Variants in UMAD1 observed in about 807,000 individuals in gnomAD.
The protein encoded by UMAD1 is UBAP1-MVB12-associated (UMA) domain containing 1.
In UMAD1, 8 loss-of-function variants were observed where a neutral mutation model predicts 6.1. That is an observed-to-expected ratio of 1.30 (90% CI 0.76 to 2.35). UMAD1 has a LOEUF of 2.35. Ranked by LOEUF, UMAD1 falls within the 30% of genes most tolerant of loss-of-function variation. The pLI is 0.00. For missense variants in UMAD1, 130 were observed against 78.4 expected, an observed-to-expected ratio of 1.66 and a Z score of -2.49; for synonymous variants, 56 against 31.4, an observed-to-expected ratio of 1.78 and a Z score of -2.61.
chr7:7,740,754 T>G (rs1781447574), intron 2 of UMAD1: 1 of 152,260 alleles, frequency 6.6e-6, no homozygotes, highest in African/African-American at 2.4e-5. Flanking sequence ...TCTGTTTATG[T>G]CTTGACATGT....
intron 3 of UMAD1, among the ~76,000 whole-genome samples, chr7:7,860,219 A>G (rs1343618709): frequency 6.6e-6 from 1 of 152,176 alleles, no homozygotes; most frequent in Non-Finnish European, 1.5e-5. Context: ...ATAAAATATT[A>G]AATTGAACAG....
chr7:7,709,579 T>A lies in UMAD1; in HGVS notation c.82+36126T>A, dbSNP rs552861385. Among the ~76,000 whole-genome samples, 5 of 152,374 alleles carry A rather than the reference T, an allele frequency of 3.3e-5. No individual in the cohort carries two copies. The South Asian group carries it at 1.0e-3, about 32-fold the overall frequency. On this transcript the variant is annotated intron_variant, in intron 2 of 3. Coordinates refer to ENST00000682710, the MANE Select transcript of UMAD1 (RefSeq NM_001302348.2). ...CAAGGGCAAAATGAGGCTTGTGGGA[T>A]AAGAATGGTTTGTCAGAAGTCACCT... is the stretch of plus-strand genomic sequence containing the variant.
chr7:7,798,666 C>T (rs141409481), intron 2 of UMAD1, among the ~76,000 whole-genome samples: 1 of 152,222 alleles, frequency 6.6e-6, no homozygotes, highest in Non-Finnish European at 1.5e-5. Flanking sequence ...CACCCTGTTC[C>T]CTAACTCAGA....
intron 3 of UMAD1, among the ~76,000 whole-genome samples, chr7:7,847,318 A>G (rs1175472485): frequency 6.6e-6 from 1 of 150,576 alleles, no homozygotes; most frequent in Non-Finnish European, 1.5e-5. Context: ...TTCACAGTTT[A>G]CATAGCTTTG....
chr7:7,839,652 A>G (rs1369913181), intron 3 of UMAD1, among the ~76,000 whole-genome samples: 3 of 152,246 alleles, frequency 2.0e-5, no homozygotes, highest in African/African-American at 7.2e-5. Flanking sequence ...GGGAAAAGTC[A>G]TAATAAGGAA....
chr7:7,813,288 T>A (rs1783059452), intron 3 of UMAD1, among the ~76,000 whole-genome samples: 1 of 152,174 alleles, frequency 6.6e-6, no homozygotes, highest in Non-Finnish European at 1.5e-5. Flanking sequence ...CACTGCAACC[T>A]CCACCTCCTG....
At position 7,658,727 on chromosome 7, in the gene UMAD1, G is replaced by A. The variant is rs1321363585; in HGVS notation, c.-63-14582G>A. ...ATTCAGTTTGCCAGTATCTTATTGA[G>A]TATTTTTGCATCGATATTCATCAGG... On this transcript the variant is annotated intron_variant, in intron 1 of 3. Transcript: ENST00000682710. Among the ~76,000 whole-genome samples, 4 of 152,182 alleles carry A rather than the reference G, an allele frequency of 2.6e-5. No homozygotes were observed. In the East Asian group the frequency reaches 7.7e-4, roughly 29 times the overall value.
At chr7:7,745,448 G>C (rs1391560587) in intron 2 of UMAD1, among the ~76,000 whole-genome samples, 1 of 152,158 alleles carries the variant, frequency 6.6e-6, no homozygotes, top group East Asian at 1.9e-4. Context: ...AAAGGCCTCT[G>C]TGCTGGCCAA....
intron 2 of UMAD1, chr7:7,741,908 T>C: frequency 5.1e-6 from 1 of 194,870 alleles, no homozygotes. Context: ...AAACAAAAAA[T>C]ATTTTTATTT....
At chr7:7,713,193 A>AAT (rs992181915) in intron 2 of UMAD1, among the ~76,000 whole-genome samples, 5 of 151,896 alleles carry the variant, frequency 3.3e-5, no homozygotes, top group African/African-American at 1.2e-4. Flanking sequence ...AAAAAAAAAA[A>AAT]ATTAGCTGGG....
At chr7:7,744,872 G>T (rs1781541408) in intron 2 of UMAD1, among the ~76,000 whole-genome samples, 1 of 151,998 alleles carries the variant, frequency 6.6e-6, no homozygotes, top group Non-Finnish European at 1.5e-5. Flanking sequence ...TCTGTAGGTT[G>T]TCTTTTCATA....
At chr7:7,649,175 A>AAAAAG (rs1554308884) in intron 1 of UMAD1, among the ~76,000 whole-genome samples, 4,568 of 103,604 alleles carry the variant, frequency 0.044, 174 homozygotes, top group East Asian at 0.085. Flanking sequence ...AAAAAAAAAA[A>AAAAAG]AAAAGAAAAG....
At chr7:7,833,684 G>A (rs963358185) in intron 3 of UMAD1, among the ~76,000 whole-genome samples, 1 of 152,124 alleles carries the variant, frequency 6.6e-6, no homozygotes. Context: ...TATAGTTACT[G>A]GAGCCTATTA....
chr7:7,711,642 G>C (rs1269433047), intron 2 of UMAD1, among the ~76,000 whole-genome samples: 2 of 151,906 alleles, frequency 1.3e-5, no homozygotes, highest in Admixed American at 6.6e-5. Flanking sequence ...GTCATATGTG[G>C]TTTTTTTGCT....
At chr7:7,816,173 C>A (rs1241503650) in intron 3 of UMAD1, among the ~76,000 whole-genome samples, 3 of 90,846 alleles carry the variant, frequency 3.3e-5, no homozygotes, top group African/African-American at 1.3e-4. Context: ...TCAACAATAC[C>A]CATTTCCCAA....
intron 3 of UMAD1, among the ~76,000 whole-genome samples, chr7:7,854,891 G>A (rs1374486542): frequency 4.6e-5 from 7 of 152,164 alleles, no homozygotes; most frequent in Admixed American, 3.9e-4. Flanking sequence ...GATACAATGG[G>A]GGTACAGGCA....
At chr7:7,827,674 C>G (rs560322424) in intron 3 of UMAD1, among the ~76,000 whole-genome samples, 3 of 152,124 alleles carry the variant, frequency 2.0e-5, no homozygotes, top group Non-Finnish European at 4.4e-5. Context: ...ACTTCTAGTT[C>G]ATTATTTAAT....
At chr7:7,657,210 T>C (rs913118221) in intron 1 of UMAD1, among the ~76,000 whole-genome samples, 5 of 152,166 alleles carry the variant, frequency 3.3e-5, no homozygotes, top group Non-Finnish European at 7.3e-5. Context: ...GTCTGGGTAT[T>C]AGCCCTTTGT....
intron 1 of UMAD1, among the ~76,000 whole-genome samples, chr7:7,657,525 G>T (rs560018170): frequency 6.6e-6 from 1 of 152,180 alleles, no homozygotes; most frequent in East Asian, 1.9e-4. Flanking sequence ...TCAGTTTTCT[G>T]TATATGGCTA....
Sources: gnomAD v4.1 joint callset for allele counts (sites outside exome capture counted in the v4.1 genomes callset) on GRCh38, gnomAD v4.1.1 for gene constraint, MANE v1.5 for transcripts, NCBI Gene and HGNC (gene_info 2026-07-23, HGNC 2026-07-21) for gene names.